The following DPY19L1 variants were observed in gnomAD, a reference collection of about 807,000 sequenced individuals.
DPY19L1 encodes protein C-mannosyl-transferase DPY19L1.
DPY19L1 carries 35 observed loss-of-function variants against 96.9 expected under a neutral mutation model. The ratio of observed to expected loss-of-function variants is 0.36; its 90% CI spans 0.28 to 0.48. The LOEUF is 0.48. Ranked by LOEUF, DPY19L1 falls within the 20% of genes least tolerant of loss-of-function variation. The probability of loss-of-function intolerance (pLI) is 0.99; values close to 1 mark genes in which losing one functional copy is unlikely to be tolerated. For synonymous variants in DPY19L1, 205 were observed against 252.6 expected (o/e 0.81, Z 1.79); for missense variants, 521 against 777.9 (o/e 0.67, Z 3.93).
intron 10 of DPY19L1, among the ~76,000 whole-genome samples, chr7:34,958,271 A>C (rs1175115759): frequency 6.6e-6 from 1 of 152,208 alleles, no homozygotes; most frequent in Non-Finnish European, 1.5e-5. Flanking sequence ...CCTTCCAGAC[A>C]ACATGTATAA....
chr7:34,964,333 T>C (rs1050542118), intron 10 of DPY19L1, among the ~76,000 whole-genome samples: 2 of 152,178 alleles, frequency 1.3e-5, no homozygotes, highest in African/African-American at 4.8e-5. Flanking sequence ...CCCTCAGCCA[T>C]AGTTGCCTAT....
intron 10 of DPY19L1, among the ~76,000 whole-genome samples, chr7:34,961,608 A>C (rs1215078672): frequency 6.6e-6 from 1 of 152,244 alleles, no homozygotes; most frequent in Non-Finnish European, 1.5e-5. Context: ...TAGATAAAAG[A>C]ACAAAGGTAC....
At chr7:35,026,160 A>G (rs1474488365) in intron 1 of DPY19L1, among the ~76,000 whole-genome samples, 1 of 152,174 alleles carries the variant, frequency 6.6e-6, no homozygotes, top group Non-Finnish European at 1.5e-5. Flanking sequence ...CTGGGGCACA[A>G]TCTAGGTAGT....
intron 10 of DPY19L1, among the ~76,000 whole-genome samples, chr7:34,963,188 T>C (rs1292091760): frequency 1.8e-5 from 2 of 110,966 alleles, no homozygotes; most frequent in African/African-American, 3.3e-5. Flanking sequence ...GAGCGAGATC[T>C]GTCTCAAAAA....
chr7:34,968,030 A>G (rs1442229205), intron 9 of DPY19L1, among the ~76,000 whole-genome samples: 2 of 152,212 alleles, frequency 1.3e-5, no homozygotes, highest in Admixed American at 6.5e-5. Flanking sequence ...TCAGGAAGCA[A>G]TGAGAATGCT....
chr7:34,999,712 A>G (rs1345179121), intron 6 of DPY19L1, among the ~76,000 whole-genome samples: 1 of 152,230 alleles, frequency 6.6e-6, no homozygotes, highest in Non-Finnish European at 1.5e-5. Context: ...AAAGTACAAA[A>G]TAAGTGTTTA....
chr7:35,037,569 C>G (rs1163407699), upstream of DPY19L1: 1 of 300,114 alleles, frequency 3.3e-6, no homozygotes, highest in Non-Finnish European at 6.1e-6. Context: ...GGCCGGGCGG[C>G]TGCTGCCTGG....
intron 21 of DPY19L1, among the ~76,000 whole-genome samples, chr7:34,935,996 G>A (rs971959735): frequency 6.6e-6 from 1 of 152,064 alleles, no homozygotes; most frequent in African/African-American, 2.4e-5. Flanking sequence ...TTGTTTTAAT[G>A]AGTGGGGAAA....
intron 9 of DPY19L1, among the ~76,000 whole-genome samples, chr7:34,968,519 G>A (rs996369692): frequency 1.1e-4 from 17 of 151,880 alleles, no homozygotes; most frequent in Admixed American, 9.8e-4. Flanking sequence ...GCCTGTAATC[G>A]CAGCACTTTG....
intron 19 of DPY19L1, 42 bp from the exon 20 acceptor site, chr7:34,939,417 GGC>G: frequency 6.4e-7 from 1 of 1,552,622 alleles, no homozygotes; most frequent in Non-Finnish European, 8.9e-7. Context: ...ACTCAGTGAA[GGC>G]GAGAAGGTGT....
chr7:34,944,199 C>A (rs2128782591), intron 16 of DPY19L1, among the ~76,000 whole-genome samples: 1 of 151,858 alleles, frequency 6.6e-6, no homozygotes, highest in South Asian at 2.1e-4. Context: ...CCCGTCTCTA[C>A]TAAAAATACA....
At chr7:35,005,852 A>T (rs1584250979) in intron 6 of DPY19L1, among the ~76,000 whole-genome samples, 1 of 151,764 alleles carries the variant, frequency 6.6e-6, no homozygotes, top group African/African-American at 2.4e-5. Context: ...CATGTGAGAG[A>T]GAAGGTAAGG....
intron 10 of DPY19L1, among the ~76,000 whole-genome samples, chr7:34,964,146 C>A (rs1184384824): frequency 2.0e-5 from 3 of 151,714 alleles, no homozygotes; most frequent in Admixed American, 2.0e-4. Flanking sequence ...GGAAATAATT[C>A]TATATATTTT....
chr7:34,996,765 C>A (rs996015699), intron 6 of DPY19L1, among the ~76,000 whole-genome samples: 1 of 152,186 alleles, frequency 6.6e-6, no homozygotes, highest in African/African-American at 2.4e-5. Context: ...CTCGCAGGAT[C>A]TGGCCCCTGC....
intron 7 of DPY19L1, among the ~76,000 whole-genome samples, chr7:34,984,748 C>T (rs960440352): frequency 1.3e-5 from 2 of 152,136 alleles, no homozygotes; most frequent in Non-Finnish European, 2.9e-5. Context: ...CTCTACTAGT[C>T]ATCATCCTCT....
chr7:35,034,612 G>A (rs1195075532), intron 1 of DPY19L1, among the ~76,000 whole-genome samples: 1 of 152,186 alleles, frequency 6.6e-6, no homozygotes, highest in East Asian at 1.9e-4. Flanking sequence ...CCCAACAGTG[G>A]AAAGACCATG....
intron 7 of DPY19L1, among the ~76,000 whole-genome samples, chr7:34,976,427 G>A (rs1235502516): frequency 6.6e-6 from 1 of 152,126 alleles, no homozygotes; most frequent in Non-Finnish European, 1.5e-5. Flanking sequence ...CAAAAGGAGT[G>A]GTTTCTTGAA....
At chr7:35,036,751 A>G (rs1407732675) in intron 1 of DPY19L1, among the ~76,000 whole-genome samples, 20 of 152,212 alleles carry the variant, frequency 1.3e-4, no homozygotes, top group African/African-American at 4.6e-4. Context: ...GATAACGGGA[A>G]GGCGGCCAGT....
chr7:35,000,789 T>C (rs1785407922), intron 6 of DPY19L1: 3 of 152,372 alleles, frequency 2.0e-5, no homozygotes, highest in South Asian at 2.1e-4. Context: ...TAGTGTCATG[T>C]ATCTTTAAAA....
Sources: gnomAD v4.1 joint callset for allele counts (sites outside exome capture counted in the v4.1 genomes callset) on GRCh38, gnomAD v4.1.1 for gene constraint, MANE v1.5 for transcripts, NCBI Gene and HGNC (gene_info 2026-07-23, HGNC 2026-07-21) for gene names.